Variants in P2RX3 observed in about 807,000 individuals in gnomAD.
P2RX3 encodes P2X purinoceptor 3.
Under a neutral mutation model 51.5 loss-of-function variants are expected in P2RX3, and 41 were observed. That is an observed-to-expected ratio of 0.80 (90% CI 0.62 to 1.03). The LOEUF (loss-of-function observed/expected upper bound fraction) is 1.03. Among genes scored for constraint, P2RX3 ranks in the 50% least tolerant of loss-of-function variants. The pLI is 0.00. For synonymous variants in P2RX3, 185 were observed against 191.6 expected, an observed-to-expected ratio of 0.97 and a Z score of 0.29; for missense variants, 459 against 522.1, an observed-to-expected ratio of 0.88 and a Z score of 1.18.
intron 1 of P2RX3, among the ~76,000 whole-genome samples, chr11:57,341,970 A>T (rs1856347624): frequency 6.6e-6 from 1 of 152,062 alleles, no homozygotes; most frequent in South Asian, 2.1e-4. Flanking sequence ...TACATAAAGC[A>T]GGTGAAAGGG....
At chr11:57,367,562 A>C (rs961464936) in intron 8 of P2RX3, among the ~76,000 whole-genome samples, 3 of 152,138 alleles carry the variant, frequency 2.0e-5, no homozygotes, top group Admixed American at 6.5e-5. Flanking sequence ...CTCTACTAAA[A>C]ATACAAAAAT....
chr11:57,368,423 A>T lies in P2RX3; in HGVS notation c.988A>T (p.Thr330Ser). Residue 330 changes from threonine (T) to serine (S), a missense_variant, in exon 10 of 12, where the codon ACT (threonine) becomes TCT (serine). Transcript: ENST00000263314. ...PTIISSVAAF[T>S]SVGVGTVLCD... The stretch of plus-strand genomic sequence containing the variant: ...CATCATCAGCTCTGTGGCGGCCTTT[A>T]CTTCTGTGGGAGTGGTGAGTTCAGC... The T allele has an allele frequency of 6.2e-7, 1 of 1,613,922 alleles. No individual in the cohort carries two copies. Among genetic ancestry groups the T allele is most frequent in the East Asian group, 2.2e-5 (1 of 44,852 alleles).
intron 7 of P2RX3, 50 bp from the exon 8 acceptor site, chr11:57,350,712 C>A: frequency 6.2e-7 from 1 of 1,604,332 alleles, no homozygotes; most frequent in African/African-American, 1.3e-5. Context: ...TGGCCCAGAG[C>A]AGGGAGTCAG....
At position 57,350,845 on chromosome 11, in the gene P2RX3, C is replaced by A; in HGVS notation, c.789C>A (p.Thr263=). The A allele has an allele frequency of 1.2e-6, 2 of 1,614,128 alleles. No individual in the cohort carries two copies. Among genetic ancestry groups the A allele is most frequent in the Non-Finnish European group, 1.7e-6 (2 of 1,180,014 alleles). Residue 263 remains threonine, a synonymous_variant, in exon 8 of 12, where the codon ACC becomes ACA. Transcript: ENST00000263314. ...WDQCIPKYSF[T]RLDSVSEKSS... is the part of the protein sequence containing the mutation. ...AGTGCATCCCCAAATACTCCTTCAC[C>A]CGGCTCGACAGCGTTTCTGAGAAAA...
intron 1 of P2RX3, among the ~76,000 whole-genome samples, chr11:57,342,146 AT>A (rs1856351440): frequency 2.0e-5 from 2 of 98,750 alleles, no homozygotes; most frequent in Non-Finnish European, 2.0e-5. Flanking sequence ...GGGCTGCCCC[AT>A]CTTTTTTTTT....
chr11:57,352,593 A>C (rs1217178991), intron 8 of P2RX3, among the ~76,000 whole-genome samples: 3 of 152,230 alleles, frequency 2.0e-5, no homozygotes, highest in African/African-American at 4.8e-5. Flanking sequence ...GAAGAATGTG[A>C]ATATTATAAA....
intron 8 of P2RX3, among the ~76,000 whole-genome samples, chr11:57,365,422 CT>C (rs1856783455): frequency 1.3e-5 from 2 of 152,206 alleles, no homozygotes; most frequent in Admixed American, 1.3e-4. Context: ...CCTGGCCTCT[CT>C]TTTTCCCTGC....
upstream of P2RX3, among the ~76,000 whole-genome samples, chr11:57,337,566 A>ATT (rs1387308579): frequency 1.3e-5 from 2 of 152,172 alleles, no homozygotes; most frequent in Non-Finnish European, 2.9e-5. Context: ...AATTATCACA[A>ATT]GGACAGAAAA....
intron 8 of P2RX3, among the ~76,000 whole-genome samples, chr11:57,367,492 G>A (rs146007087): frequency 0.019 from 2,821 of 152,242 alleles, 36 homozygotes; most frequent in Middle Eastern, 0.034. Context: ...AGGCCGAGGC[G>A]GGTGGATCAC....
Position 57,350,518 on chromosome 11 carries a change from G to A in P2RX3, c.706-244G>A. 6.9e-6 allele frequency: 3 copies of A among 437,728 alleles called. No individual in the cohort carries two copies. The South Asian group carries it at 8.6e-5, about 12-fold the overall frequency. The allele number at this position is 437,728 out of a possible 1,614,324, so 27.1% of individuals were successfully genotyped here. ...AGGATGGTCTCGATCTCCTGACCTC[G>A]TGATCCGCCCGCCTCGGCCTCCCAA... On this transcript the variant is annotated intron_variant, in intron 7 of 11. Coordinates refer to ENST00000263314, the MANE Select transcript of P2RX3 (RefSeq NM_002559.5).
intron 8 of P2RX3, among the ~76,000 whole-genome samples, chr11:57,354,641 G>T (rs1218673812): frequency 6.6e-6 from 1 of 152,154 alleles, no homozygotes; most frequent in Non-Finnish European, 1.5e-5. Context: ...GTGATGTTGT[G>T]TGTGTGTGTG....
At position 57,348,688 on chromosome 11, in the gene P2RX3, CT is replaced by C; in HGVS notation, c.548del (p.Leu183ProfsTer13). The C allele has an allele frequency of 1.2e-6, 2 of 1,613,528 alleles. No homozygotes were observed. The highest frequency in any genetic ancestry group is 1.7e-6 in the Non-Finnish European group (2 of 1,179,812). On this transcript the variant is annotated frameshift_variant, in exon 6 of 12. Transcript: ENST00000263314. LOFTEE classifies it high-confidence loss of function. ...IFIKNSIRFP[L>X]FNFEKGNLLP... ...CATCAAGAACAGCATCCGTTTCCCC[CT>C]CTTCAACTTTGAGAAGTGAGTCCCC...
intron 1 of P2RX3, among the ~76,000 whole-genome samples, chr11:57,341,525 C>G (rs1369430201): frequency 1.3e-5 from 2 of 152,152 alleles, no homozygotes; most frequent in Non-Finnish European, 2.9e-5. Flanking sequence ...ACAGAGAGGC[C>G]TGGACTTACC....
At position 57,350,834 on chromosome 11, in the gene P2RX3, T is replaced by C; in HGVS notation, c.778T>C (p.Tyr260His). Residue 260 changes from tyrosine to histidine, a missense_variant, in exon 8 of 12, where the codon TAC becomes CAC. Transcript: ENST00000263314. The stretch of plus-strand genomic sequence containing the variant: ...GGCCTGGGACCAGTGCATCCCCAAA[T>C]ACTCCTTCACCCGGCTCGACAGCGT... ...DKAWDQCIPK[Y>H]SFTRLDSVSE... 1 of 1,614,106 alleles carries C rather than the reference T, an allele frequency of 6.2e-7. No homozygotes were observed. Among genetic ancestry groups the C allele is most frequent in the Non-Finnish European group, 8.5e-7 (1 of 1,180,008 alleles).
intron 6 of P2RX3, 128 bp from the exon 7 acceptor site, chr11:57,349,629 G>A (rs1856506047): frequency 9.1e-7 from 1 of 1,094,832 alleles, no homozygotes; most frequent in South Asian, 1.5e-5. Flanking sequence ...GGAGGGAGAT[G>A]GCGAGGTCCA....
chr11:57,354,174 A>G (rs1856592318), intron 8 of P2RX3, among the ~76,000 whole-genome samples: 1 of 152,106 alleles, frequency 6.6e-6, no homozygotes, highest in Non-Finnish European at 1.5e-5. Flanking sequence ...ATTGAGCCAA[A>G]ATGTGCCTCC....
At chr11:57,336,255 C>T (rs1357519906), upstream of P2RX3, among the ~76,000 whole-genome samples, 1 of 152,142 alleles carries the variant, frequency 6.6e-6, no homozygotes, top group Non-Finnish European at 1.5e-5. Context: ...AACGACCTCT[C>T]CCACTGGCTG....
chr11:57,356,485 A>C (rs1324164721), intron 8 of P2RX3, among the ~76,000 whole-genome samples: 2 of 152,252 alleles, frequency 1.3e-5, no homozygotes, highest in African/African-American at 4.8e-5. Flanking sequence ...ACATTTGTTC[A>C]GCTGCTAGAT....
At chr11:57,365,172 G>T (rs1235908894) in intron 8 of P2RX3, among the ~76,000 whole-genome samples, 1 of 152,210 alleles carries the variant, frequency 6.6e-6, no homozygotes, top group Admixed American at 6.5e-5. Context: ...TCTGTAAAGT[G>T]GGAGTGGTCA....
Sources: allele counts gnomAD v4.1 joint callset (sites outside exome capture counted in the v4.1 genomes callset), GRCh38; gene constraint gnomAD v4.1.1; transcripts MANE v1.5; gene names NCBI Gene and HGNC (gene_info 2026-07-23, HGNC 2026-07-21).